ACER3: variants seen among roughly 807,000 people sequenced by gnomAD.
ACER3 encodes alkaline ceramidase 3, also known as alkCDase 3.
ACER3 carries 16 observed loss-of-function variants against 48.9 expected under a neutral mutation model. The ratio of observed to expected loss-of-function variants is 0.33; its 90% CI spans 0.22 to 0.50. The LOEUF is 0.50. Ranked by LOEUF, ACER3 falls within the 20% of genes least tolerant of loss-of-function variation. The pLI, the probability that ACER3 is intolerant of heterozygous loss-of-function variation, is 0.98. For synonymous variants in ACER3, 109 were observed against 107.8 expected (o/e 1.01, Z -0.07); for missense variants, 227 against 326.0 (o/e 0.70, Z 2.34).
chr11:76,911,425 C>T (rs921643438), intron 1 of ACER3, among the ~76,000 whole-genome samples: 8 of 152,086 alleles, frequency 5.3e-5, no homozygotes, highest in African/African-American at 1.9e-4. Context: ...AGTGCCAGGG[C>T]CAGAGGTCAC....
At chr11:76,918,461 G>A (rs549689655) in intron 1 of ACER3, among the ~76,000 whole-genome samples, 105 of 152,070 alleles carry the variant, frequency 6.9e-4, no homozygotes, top group African/African-American at 2.4e-3. Context: ...TCTTGAGCTG[G>A]TGCAAGTACC....
intron 2 of ACER3, among the ~76,000 whole-genome samples, chr11:76,947,814 G>T (rs1292685926): frequency 6.6e-6 from 1 of 152,172 alleles, no homozygotes; most frequent in Non-Finnish European, 1.5e-5. Context: ...TCCAGTACTT[G>T]TGCATATGGA....
At chr11:76,985,241 C>T (rs1948663872) in intron 4 of ACER3, among the ~76,000 whole-genome samples, 1 of 152,128 alleles carries the variant, frequency 6.6e-6, no homozygotes, top group Non-Finnish European at 1.5e-5. Context: ...GTAGCTGGGA[C>T]TACAGGTGTA....
At chr11:77,013,068 CA>C (rs141385324) in intron 7 of ACER3, among the ~76,000 whole-genome samples, 2 of 151,214 alleles carry the variant, frequency 1.3e-5, no homozygotes, top group African/African-American at 2.4e-5. Flanking sequence ...TTCTTAGGAC[CA>C]AAAAAAATGA....
intron 8 of ACER3, 116 bp from the exon 9 acceptor site, chr11:77,016,559 A>G: frequency 3.8e-6 from 2 of 529,330 alleles, no homozygotes. Context: ...AGGAAACTTA[A>G]GGCAATTAAA....
chr11:76,885,763 T>A (rs1945655898), intron 1 of ACER3, among the ~76,000 whole-genome samples: 1 of 152,110 alleles, frequency 6.6e-6, no homozygotes, highest in Middle Eastern at 3.2e-3. Flanking sequence ...AATGAGGTAG[T>A]TGGGACTATG....
intron 5 of ACER3, 81 bp from the exon 6 acceptor site, chr11:76,990,458 G>A (rs1948775698): frequency 4.9e-6 from 5 of 1,012,732 alleles, no homozygotes; most frequent in Non-Finnish European, 7.8e-6. Context: ...AGAGGTTTGG[G>A]ATTTGCAGAG....
At chr11:76,882,265 A>G (rs1302457051) in intron 1 of ACER3, among the ~76,000 whole-genome samples, 1 of 152,000 alleles carries the variant, frequency 6.6e-6, no homozygotes, top group Admixed American at 6.6e-5. Context: ...TCAACTGCCA[A>G]AGTGTTGGGA....
At chr11:76,915,195 AAG>A (rs1219458424) in intron 1 of ACER3, among the ~76,000 whole-genome samples, 3 of 152,100 alleles carry the variant, frequency 2.0e-5, no homozygotes, top group Non-Finnish European at 4.4e-5. Context: ...AATTTAAAAA[AAG>A]GAAAAATAAA....
chr11:76,994,113 C>G, intron 6 of ACER3: 1 of 442,974 alleles, frequency 2.3e-6, no homozygotes, highest in South Asian at 1.6e-5. Flanking sequence ...TTTTATTCAA[C>G]TATATTGTAG....
intron 2 of ACER3, among the ~76,000 whole-genome samples, chr11:76,927,218 C>T (rs1028826409): frequency 4.6e-5 from 7 of 152,128 alleles, no homozygotes; most frequent in African/African-American, 1.7e-4. Flanking sequence ...TTGTGACTTA[C>T]GTATATTCTA....
chr11:76,959,249 A>G, intron 3 of ACER3: 2 of 1,391,070 alleles, frequency 1.4e-6, no homozygotes, highest in Non-Finnish European at 1.9e-6. Flanking sequence ...CTTTTTGACC[A>G]TCTCTGTGCG....
chr11:76,944,980 C>T (rs1325150729), intron 2 of ACER3, among the ~76,000 whole-genome samples: 1 of 149,102 alleles, frequency 6.7e-6, no homozygotes, highest in East Asian at 2.0e-4. Flanking sequence ...CTTTCTTCTG[C>T]TTGGTCTAGT....
intron 3 of ACER3, among the ~76,000 whole-genome samples, chr11:76,970,823 A>G (rs1302149217): frequency 4.6e-5 from 7 of 152,102 alleles, no homozygotes; most frequent in African/African-American, 1.7e-4. Context: ...GCCACTATCT[A>G]ATCCCACAAC....
In ACER3 at chr11:77,015,035, G is replaced by A. The variant is rs151112611; in HGVS notation, c.517G>A (p.Gly173Arg). The A allele has an allele frequency of 2.1e-5, 34 of 1,601,810 alleles. No homozygotes were observed. Among genetic ancestry groups the A allele is most frequent in the Non-Finnish European group, 2.9e-5 (34 of 1,169,282 alleles). ...CCACAGGGTTTATCCATGGCTTAGAGGACTGGGTTATACATCATTGGGTAT... is the reference window on the plus strand; with the variant it reads ...CCACAGGGTTTATCCATGGCTTAGAAGACTGGGTTATACATCATTGGGTAT... ...IVTWVYPWLR[G>R]LGYTSLGIFL... The change falls in exon 8 of 11, where the codon GGA (glycine) becomes AGA (arginine). Residue 173 changes from glycine (G) to arginine (R), a missense_variant. Physicochemically the swap from Gly to Arg is moderately radical, Grantham distance 125. Around this residue, in one of 3 missense-constraint regions of ACER3, gnomAD observed 195 missense variants for 290.8 expected, o/e 0.67. Transcript: ENST00000532485.
intron 1 of ACER3, among the ~76,000 whole-genome samples, chr11:76,904,995 G>T (rs1946185450): frequency 6.6e-6 from 1 of 152,108 alleles, no homozygotes; most frequent in Non-Finnish European, 1.5e-5. Flanking sequence ...GGCATTGCAG[G>T]TACATGCCAC....
At chr11:77,007,393 C>T (rs1460908338) in intron 7 of ACER3, among the ~76,000 whole-genome samples, 4 of 152,140 alleles carry the variant, frequency 2.6e-5, no homozygotes, top group African/African-American at 7.2e-5. Context: ...GCCAGGTACT[C>T]GTAGAAGTCT....
At chr11:76,933,537 G>A (rs562744121) in intron 2 of ACER3, among the ~76,000 whole-genome samples, 7 of 151,840 alleles carry the variant, frequency 4.6e-5, no homozygotes, top group East Asian at 3.9e-4. Flanking sequence ...ATCTTGCACC[G>A]TCCTTAATCC....
chr11:76,898,508 A>G (rs1459235590), intron 1 of ACER3, among the ~76,000 whole-genome samples: 1 of 152,200 alleles, frequency 6.6e-6, no homozygotes, highest in Non-Finnish European at 1.5e-5. Context: ...TGCCCAACTT[A>G]TAGAGGAGTT....
Sources: allele counts gnomAD v4.1 joint callset (sites outside exome capture counted in the v4.1 genomes callset), GRCh38; gene constraint gnomAD v4.1.1; regional missense constraint gnomAD v4.1.1; transcripts MANE v1.5; gene names NCBI Gene and HGNC (gene_info 2026-07-23, HGNC 2026-07-21).